Variants in FANCM observed in about 807,000 individuals in gnomAD.
FANCM encodes the protein Fanconi anemia group M protein.
In FANCM, 140 loss-of-function variants were observed where a neutral mutation model predicts 199.5. That is an observed-to-expected ratio of 0.70 (90% CI 0.61 to 0.81). The LOEUF is 0.81. Ranked by LOEUF, FANCM falls within the 30% of genes least tolerant of loss-of-function variation. The pLI is 0.00. For synonymous variants in FANCM, 840 were observed against 836.8 expected, an observed-to-expected ratio of 1.00 and a Z score of -0.07; for missense variants, 2,410 against 2,421.4, an observed-to-expected ratio of 1.00 and a Z score of 0.10.
Position 45,159,135 on chromosome 14 carries a change from T to A in FANCM, c.1436T>A (p.Val479Asp). ...TTEKKRDETR[V>D]MIFSSFRDSV... ...GAAAAGAAACGTGATGAGACCCGAG[T>A]TATGATCTTCTCTTCATTTCGAGAT... is the stretch of plus-strand genomic sequence containing the variant. Residue 479 changes from valine (V) to aspartate (D), a missense_variant, in exon 9 of 23, where the codon GTT (valine) becomes GAT (aspartate). Physicochemically the swap from Val to Asp is radical, Grantham distance 152. Transcript: ENST00000267430. 5 of 1,612,616 alleles carry A rather than the reference T, an allele frequency of 3.1e-6. No homozygotes were observed. The highest frequency in any genetic ancestry group is 4.2e-6 in the Non-Finnish European group (5 of 1,178,876).
At chr14:45,177,000 C>T in intron 14 of FANCM, 24 bp downstream of exon 14, 1 of 1,400,536 alleles carries the variant, frequency 7.1e-7, no homozygotes, top group Non-Finnish European at 1.0e-6. Context: ...TTTATAAAGT[C>T]TATAACTCTT....
At position 45,183,062 on chromosome 14, in the gene FANCM, G is replaced by A. The variant is rs182154264; in HGVS notation, c.4387-712G>A. Among the ~76,000 whole-genome samples the A allele has an allele frequency of 6.6e-5, 10 of 152,142 alleles. No individual in the cohort carries two copies. In the East Asian group the frequency reaches 1.9e-3, roughly 29 times the overall value. On this transcript the variant is annotated intron_variant, in intron 16 of 22. Coordinates refer to ENST00000267430, the MANE Select transcript of FANCM (RefSeq NM_020937.4). ...CGAAAAATCATTAAGTTGAACCATC[G>A]TAAGTTGGGGACCATATGTAATTAA...
At chr14:45,166,214 C>T (rs529433781) in intron 10 of FANCM, among the ~76,000 whole-genome samples, 1 of 152,014 alleles carries the variant, frequency 6.6e-6, no homozygotes, top group South Asian at 2.1e-4. Context: ...TCACTGCAAC[C>T]TCCATCTCCT....
chr14:45,193,416 A>T (rs1049825381), intron 20 of FANCM, among the ~76,000 whole-genome samples: 2 of 152,220 alleles, frequency 1.3e-5, no homozygotes, highest in Middle Eastern at 3.2e-3. Context: ...AACACCAGGT[A>T]ACTAGAGCAA....
chr14:45,136,064 G>A lies in FANCM; in HGVS notation c.33G>A (p.Thr11=), dbSNP rs1885464352. The A allele has an allele frequency of 1.2e-6, 2 of 1,613,810 alleles. No homozygotes were observed. The highest frequency in any genetic ancestry group is 1.1e-5 in the South Asian group (1 of 91,078). The stretch of plus-strand genomic sequence containing the variant: ...GACGGCAAAGAACGCTTTTTCAGAC[G>A]TGGGGCTCAAGTATCTCCCGATCAT... The part of the protein sequence containing the change: MSGRQRTLFQ[T]WGSSISRSSG... The change falls in exon 1 of 23, where the codon ACG becomes ACA. Residue 11 remains threonine (T), a synonymous_variant. Transcript: ENST00000267430.
In FANCM at chr14:45,188,924, C is replaced by T; in HGVS notation, c.4902C>T (p.Cys1634=). ...CVDFNLITDD[C]FANSKKYKTR... The stretch of plus-strand genomic sequence containing the variant: ...ATTTTAACTTAATAACTGATGATTG[C>T]TTTGCAAATAGTAAAAAGTATAAAA... The change falls in exon 20 of 23, where the codon TGC becomes TGT. Residue 1634 remains cysteine, a synonymous_variant. Coordinates refer to ENST00000267430, the MANE Select transcript of FANCM (RefSeq NM_020937.4). The T allele has an allele frequency of 6.2e-7, 1 of 1,613,770 alleles. No homozygotes were observed. Among genetic ancestry groups the T allele is most frequent in the Non-Finnish European group, 8.5e-7 (1 of 1,179,848 alleles).
At chr14:45,161,849 A>G (rs1357937082) in intron 9 of FANCM, among the ~76,000 whole-genome samples, 11 of 152,150 alleles carry the variant, frequency 7.2e-5, no homozygotes, top group Admixed American at 7.2e-4. Context: ...GGAAGTGGAG[A>G]GACCGGTTGG....
At position 45,196,373 on chromosome 14, in the gene FANCM, TG is replaced by T; in HGVS notation, c.5543del (p.Cys1848PhefsTer10). ...AATTCATGGGTTGCAAGTAGAAGTT[TG>T]TCCTCTTAATGGCTGTGATTACATC... ...RAIHGLQVEV[C>X]PLNGCDYIVS... On this transcript the variant is annotated frameshift_variant, in exon 21 of 23. Transcript: ENST00000267430. LOFTEE classifies it high-confidence loss of function. 1.2e-6 allele frequency: 2 copies of T among 1,614,194 alleles called. No homozygotes were observed. Among genetic ancestry groups the T allele is most frequent in the Non-Finnish European group, 1.7e-6 (2 of 1,180,022 alleles).
chr14:45,200,494 A>G lies in FANCM; in HGVS notation c.*486A>G, dbSNP rs1566794926. On this transcript the variant is annotated 3_prime_UTR_variant, in exon 23 of 23. Transcript: ENST00000267430. Reference sequence around the variant, plus strand: ...TGAGATAAATGACCCAGTAACTAGGAAAGTAGAAAACTTAACTGAATGTTT... The same window carrying G: ...TGAGATAAATGACCCAGTAACTAGGGAAGTAGAAAACTTAACTGAATGTTT... The G allele has an allele frequency of 6.5e-6, 1 of 153,434 alleles. No individual in the cohort carries two copies. The allele number at this position is 153,434 out of a possible 1,614,324, so 9.5% of individuals were successfully genotyped here.
chr14:45,179,234 C>G (rs953075519), intron 14 of FANCM, among the ~76,000 whole-genome samples: 6 of 151,886 alleles, frequency 4.0e-5, no homozygotes, highest in Non-Finnish European at 8.8e-5. Flanking sequence ...AATCCTTACT[C>G]TCTGACTGAA....
intron 16 of FANCM, 32 bp from the exon 17 acceptor site, chr14:45,183,742 T>C: frequency 1.3e-6 from 2 of 1,552,912 alleles, no homozygotes; most frequent in Non-Finnish European, 1.8e-6. Context: ...AATATTTTTT[T>C]CTTATGCAAG....
In FANCM at chr14:45,135,947, G is replaced by A. The variant is rs1885449157; in HGVS notation, c.-85G>A. ...TTCTCGTTCCAGAGTTTTGTGCGAA[G>A]GAAACCGATGGGGATCGGAACCGTA... On this transcript the variant is annotated 5_prime_UTR_variant, in exon 1 of 23. Transcript: ENST00000267430. The A allele has an allele frequency of 4.1e-6, 6 of 1,473,910 alleles. No homozygotes were observed. Among genetic ancestry groups the A allele is most frequent in the Non-Finnish European group, 5.7e-6 (6 of 1,058,498 alleles). 91.3% of individuals were successfully genotyped at this position (1,473,910 alleles called of 1,614,324 possible).
In FANCM at chr14:45,176,009, A is replaced by G; in HGVS notation, c.3255A>G (p.Val1085=). 1 of 1,613,692 alleles carries G rather than the reference A, an allele frequency of 6.2e-7. No individual in the cohort carries two copies. Among genetic ancestry groups the G allele is most frequent in the Admixed American group, 1.7e-5 (1 of 60,014 alleles). The change falls in exon 14 of 23, where the codon GTA becomes GTG. Residue 1085 remains valine, a synonymous_variant. Transcript: ENST00000267430. ...SDEPSLCDCD[V]HKHNQNENLV... is the part of the protein sequence containing the mutation. ...AGCCAAGTCTCTGTGACTGTGATGT[A>G]CATAAACATAATCAAAATGAAAATT...
chr14:45,198,036 G>C (rs1890165037), intron 21 of FANCM, among the ~76,000 whole-genome samples: 1 of 152,056 alleles, frequency 6.6e-6, no homozygotes, highest in East Asian at 1.9e-4. Flanking sequence ...CAAAGTGCTG[G>C]GATTACATGT....
chr14:45,199,924 G>C lies in FANCM; in HGVS notation c.6063G>C (p.Glu2021Asp), dbSNP rs1890269197. 1 of 1,605,256 alleles carries C rather than the reference G, an allele frequency of 6.2e-7. No homozygotes were observed. Among genetic ancestry groups the C allele is most frequent in the Non-Finnish European group, 8.5e-7 (1 of 1,172,408 alleles). The change falls in exon 23 of 23, where the codon GAG becomes GAC. Residue 2021 changes from glutamate to aspartate, a missense_variant. Glu to Asp is a conservative substitution (Grantham distance 45). Transcript: ENST00000267430. ...AAGTAACTCATCAGAAGGCTGAGGAGATCTATAGATATATTCACTATGTAT... is the reference window on the plus strand; with the variant it reads ...AAGTAACTCATCAGAAGGCTGAGGACATCTATAGATATATTCACTATGTAT... ...YAQVTHQKAE[E>D]IYRYIHYVFD... is the part of the protein sequence containing the mutation.
Position 45,197,335 on chromosome 14 carries a change from A to G in FANCM, c.5716+788A>G, listed in dbSNP as rs551263419. Among the ~76,000 whole-genome samples the G allele has an allele frequency of 6.7e-4, 102 of 152,290 alleles. 1 individual carries two copies. Among genetic ancestry groups the G allele is most frequent in the African/African-American group, 2.3e-3 (95 of 41,560 alleles). The stretch of plus-strand genomic sequence containing the variant: ...CACTGCGGAAGAATTGAAGAATTAT[A>G]CTTTTGGTAATAGTGTAGTTTATGT... On this transcript the variant is annotated intron_variant, in intron 21 of 22. Transcript: ENST00000267430.
intron 1 of FANCM, 107 bp downstream of exon 1, chr14:45,136,646 A>G (rs1355680104): frequency 2.7e-6 from 3 of 1,105,972 alleles, no homozygotes; most frequent in East Asian, 2.4e-5. Context: ...CTCTTAAAAC[A>G]TTCTCTACTT....
intron 19 of FANCM, among the ~76,000 whole-genome samples, chr14:45,188,490 T>A (rs1889550690): frequency 6.6e-6 from 1 of 152,222 alleles, no homozygotes; most frequent in African/African-American, 2.4e-5. Flanking sequence ...CATGTTCAGC[T>A]TGGTAATGTG....
intron 11 of FANCM, among the ~76,000 whole-genome samples, chr14:45,168,216 C>T (rs575243200): frequency 6.6e-6 from 1 of 152,248 alleles, no homozygotes; most frequent in African/African-American, 2.4e-5. Flanking sequence ...TTTCCCTTAA[C>T]TCAGAGCCGT....
Sources: gnomAD v4.1 joint callset for allele counts (sites outside exome capture counted in the v4.1 genomes callset) on GRCh38, gnomAD v4.1.1 for gene constraint, MANE v1.5 for transcripts, NCBI Gene and HGNC (gene_info 2026-07-23, HGNC 2026-07-21) for gene names.